Variants in ZNF69 observed in about 807,000 individuals in gnomAD.
ZNF69 encodes the protein zinc finger protein 69, also known as ZNF3.
Under a neutral mutation model 50.9 loss-of-function variants are expected in ZNF69, and 47 were observed. That is an observed-to-expected ratio of 0.92 (90% CI 0.73 to 1.18). ZNF69 has a LOEUF of 1.18. Ranked by LOEUF, ZNF69 falls within the 50% of genes most tolerant of loss-of-function variation. The pLI is 0.00. For missense variants in ZNF69, 717 were observed against 675.1 expected, an observed-to-expected ratio of 1.06 and a Z score of -0.69; for synonymous variants, 216 against 223.1, an observed-to-expected ratio of 0.97 and a Z score of 0.29.
the ZNF69 span, among the ~76,000 whole-genome samples, chr19:11,941,351 C>T: frequency 2.5e-4 from 38 of 152,210 alleles, no homozygotes; most frequent in Admixed American, 8.5e-4. Flanking sequence ...CAGGGGGCGG[C>T]GCTCATCGGG....
chr19:11,888,986 CA>C (rs964846843), intron 1 of ZNF69, among the ~76,000 whole-genome samples: 1 of 151,884 alleles, frequency 6.6e-6, no homozygotes, highest in Non-Finnish European at 1.5e-5. Context: ...AAAACAAAAA[CA>C]AAAAACAGAA....
chr19:11,943,296 G>A, the ZNF69 span, among the ~76,000 whole-genome samples: 16 of 152,206 alleles, frequency 1.1e-4, no homozygotes, highest in Middle Eastern at 3.4e-3. Context: ...AATTGGTTAG[G>A]TTAAATTTTC....
chr19:11,940,574 G>A, the ZNF69 span, among the ~76,000 whole-genome samples: 1 of 152,132 alleles, frequency 6.6e-6, no homozygotes, highest in Non-Finnish European at 1.5e-5. Flanking sequence ...TGTGGTGAGT[G>A]TTACAGCTCA....
intron 1 of ZNF69, among the ~76,000 whole-genome samples, 171 bp downstream of exon 1, chr19:11,888,157 G>A (rs1435070486): frequency 6.6e-6 from 1 of 152,224 alleles, no homozygotes; most frequent in Non-Finnish European, 1.5e-5. Context: ...TGGCTGGGCC[G>A]GTAGCCGGGA....
At chr19:11,977,101 A>G in the ZNF69 span, 2 of 1,614,110 alleles carry the variant, frequency 1.2e-6, no homozygotes, top group Non-Finnish European at 1.7e-6. Context: ...TTTGCTGGAT[A>G]TTTCGCAGAG....
the ZNF69 span, chr19:11,953,430 T>C: frequency 6.6e-6 from 1 of 152,210 alleles, no homozygotes; most frequent in Non-Finnish European, 1.5e-5. Context: ...AGGCCACTAA[T>C]TTTAGAAGGC....
the ZNF69 span, among the ~76,000 whole-genome samples, chr19:11,933,349 A>C: frequency 2.7e-5 from 4 of 148,418 alleles, no homozygotes; most frequent in Non-Finnish European, 5.9e-5. Flanking sequence ...GAACACGATG[A>C]AAATTGAAGA....
chr19:11,947,776 T>C, the ZNF69 span, among the ~76,000 whole-genome samples: 1 of 152,160 alleles, frequency 6.6e-6, no homozygotes, highest in Non-Finnish European at 1.5e-5. Flanking sequence ...GAAGTGGAGA[T>C]AGGAGGATAG....
At chr19:11,957,569 G>A in the ZNF69 span, among the ~76,000 whole-genome samples, 1 of 152,118 alleles carries the variant, frequency 6.6e-6, no homozygotes, top group Admixed American at 6.6e-5. Flanking sequence ...GGGTGGCTGG[G>A]TGTGGTGGCT....
chr19:11,922,332 AT>A, the ZNF69 span, among the ~76,000 whole-genome samples: 1 of 152,214 alleles, frequency 6.6e-6, no homozygotes, highest in Non-Finnish European at 1.5e-5. Flanking sequence ...TTTGTTTGGC[AT>A]CTGTAAGACA....
rs778250660 is a variant in ZNF69, at chr19:11,904,849, A to T, written c.452A>T (p.His151Leu). Reference sequence around the variant, plus strand: ...ATGAACATCAGAGGTGACATTGGACACAAGGCCTATGAGTATCAGGAATAT... The same window carrying T: ...ATGAACATCAGAGGTGACATTGGACTCAAGGCCTATGAGTATCAGGAATAT... ...FNMNIRGDIG[H>L]KAYEYQEYGP... is the part of the protein sequence containing the mutation. The change falls in exon 4 of 4, where the codon CAC becomes CTC. Residue 151 changes from histidine to leucine, a missense_variant. Transcript: ENST00000429654. 5 of 1,614,066 alleles carry T rather than the reference A, an allele frequency of 3.1e-6. No homozygotes were observed. The highest frequency in any genetic ancestry group is 4.2e-6 in the Non-Finnish European group (5 of 1,180,036).
At chr19:11,948,671 A>C in the ZNF69 span, 1 of 1,612,716 alleles carries the variant, frequency 6.2e-7, no homozygotes, top group South Asian at 1.1e-5. Flanking sequence ...ATGGTAATGC[A>C]CAGTGGGGAT....
chr19:11,933,681 C>G, the ZNF69 span, among the ~76,000 whole-genome samples: 180 of 147,668 alleles, frequency 1.2e-3, 11 homozygotes, highest in Non-Finnish European at 6.8e-4. Flanking sequence ...TTGAAGGTCT[C>G]TCGATACCTT....
the ZNF69 span, chr19:11,956,580 G>C: frequency 2.5e-6 from 1 of 398,652 alleles, no homozygotes; most frequent in Non-Finnish European, 4.4e-6. Flanking sequence ...CTCACACCAG[G>C]CGCAGTGGCT....
chr19:11,957,763 T>C, the ZNF69 span, among the ~76,000 whole-genome samples: 1 of 152,004 alleles, frequency 6.6e-6, no homozygotes, highest in South Asian at 2.1e-4. Context: ...GAGAATCACT[T>C]GAACCAGGGA....
the ZNF69 span, chr19:11,976,779 T>C: frequency 2.2e-6 from 2 of 904,446 alleles, no homozygotes; most frequent in South Asian, 4.4e-5. Context: ...GGCAGGAGAA[T>C]CGCTTGAACC....
At chr19:11,976,084 C>G in the ZNF69 span, among the ~76,000 whole-genome samples, 2 of 145,912 alleles carry the variant, frequency 1.4e-5, no homozygotes, top group African/African-American at 5.1e-5. Context: ...TGGGTGGTCC[C>G]TGGGGTGTGG....
rs760204956 is a variant in ZNF69 at position 11,905,270 on chromosome 19, T to C, written c.873T>C (p.Tyr291=). The C allele has an allele frequency of 5.7e-5, 92 of 1,614,006 alleles. No homozygotes were observed. Among genetic ancestry groups the C allele is most frequent in the Non-Finnish European group, 7.5e-5 (89 of 1,180,042 alleles). The change falls in exon 4 of 4, where the codon TAT becomes TAC. Residue 291 remains tyrosine (Y), a synonymous_variant. Transcript: ENST00000429654. ...AAGCATTTCATAGTCCCAGATGCTA[T>C]CGTAGACATGAAAGGATTCACACGG... ...CGKAFHSPRC[Y]RRHERIHTGE...
intron 1 of ZNF69, among the ~76,000 whole-genome samples, chr19:11,903,134 C>G (rs1972281627): frequency 6.6e-6 from 1 of 151,870 alleles, no homozygotes; most frequent in African/African-American, 2.4e-5. Flanking sequence ...GAGACGCTGT[C>G]TTAAAAAAAA....
Sources: gnomAD v4.1 joint callset for allele counts (sites outside exome capture counted in the v4.1 genomes callset) on GRCh38, gnomAD v4.1.1 for gene constraint, MANE v1.5 for transcripts, NCBI Gene and HGNC (gene_info 2026-07-23, HGNC 2026-07-21) for gene names.